Variants in CCDC170 observed in about 807,000 individuals in gnomAD.
The protein encoded by CCDC170 is coiled-coil domain containing 170, also known as coiled-coil domain-containing protein 170.
In CCDC170, 69 loss-of-function variants were observed where a neutral mutation model predicts 72.6. That is an observed-to-expected ratio of 0.95 (90% CI 0.78 to 1.16). The LOEUF is 1.16. Among genes scored for constraint, CCDC170 ranks in the 50% most tolerant of loss-of-function variants. The probability of loss-of-function intolerance (pLI) is 0.00; values close to 1 mark genes in which losing one functional copy is unlikely to be tolerated. For synonymous variants in CCDC170, 300 were observed against 303.9 expected (o/e 0.99, Z 0.13); for missense variants, 852 against 832.5 (o/e 1.02, Z -0.29).
At chr6:151,509,257 T>A (rs1026755346) in intron 1 of CCDC170, among the ~76,000 whole-genome samples, 1 of 151,696 alleles carries the variant, frequency 6.6e-6, no homozygotes, top group Admixed American at 6.6e-5. Context: ...TATCTATCTA[T>A]CTATGAATGA....
chr6:151,502,418 TTGAC>T (rs1254819112), intron 1 of CCDC170, among the ~76,000 whole-genome samples: 3 of 152,234 alleles, frequency 2.0e-5, no homozygotes, highest in Non-Finnish European at 4.4e-5. Context: ...TTCCTTTTCA[TTGAC>T]TGAATTTCCC....
chr6:151,560,275 T>A (rs1465794779), intron 5 of CCDC170, among the ~76,000 whole-genome samples: 1 of 151,974 alleles, frequency 6.6e-6, no homozygotes, highest in Non-Finnish European at 1.5e-5. Context: ...GTTTTGGGAG[T>A]TTTTCTTGGT....
chr6:151,565,736 T>A (rs1776124891), intron 5 of CCDC170, among the ~76,000 whole-genome samples: 1 of 152,220 alleles, frequency 6.6e-6, no homozygotes, highest in African/African-American at 2.4e-5. Flanking sequence ...ACTTCCCGGT[T>A]TTTACCATAT....
In CCDC170 at chr6:151,544,663, T is replaced by C; in HGVS notation, c.535T>C (p.Leu179=). ...EEFLTQLRDC[L]DPDERNDKAS... ...ATTTCTGACTCAACTGCGTGACTGC[T>C]TGGATCCAGATGAGAGGAATGACAA... The change falls in exon 4 of 11, where the codon TTG becomes CTG. Residue 179 remains leucine (L), a synonymous_variant. Coordinates refer to ENST00000239374, the MANE Select transcript of CCDC170 (RefSeq NM_025059.4). 1 of 1,613,686 alleles carries C rather than the reference T, an allele frequency of 6.2e-7. No homozygotes were observed. Among genetic ancestry groups the C allele is most frequent in the Non-Finnish European group, 8.5e-7 (1 of 1,179,628 alleles).
chr6:151,608,462 G>A (rs934942542), intron 9 of CCDC170, among the ~76,000 whole-genome samples: 4 of 152,180 alleles, frequency 2.6e-5, no homozygotes, highest in Non-Finnish European at 5.9e-5. Context: ...GCTTTTGTAG[G>A]GAAAGACTTT....
At chr6:151,566,909 T>A (rs1034139227) in intron 5 of CCDC170, among the ~76,000 whole-genome samples, 3 of 152,192 alleles carry the variant, frequency 2.0e-5, no homozygotes, top group African/African-American at 7.2e-5. Context: ...TTTCAGTGCC[T>A]GTTGTATAGG....
At position 151,572,649 on chromosome 6, in the gene CCDC170, G is replaced by GTTTTTTTTTTT. The variant is rs1213267537; in HGVS notation, c.775-515_775-505dup. Among the ~76,000 whole-genome samples the GTTTTTTTTTTT allele has an allele frequency of 8.6e-3, 327 of 37,804 alleles. 12 individuals carry two copies. The highest frequency in any genetic ancestry group is 0.01 in the Non-Finnish European group (207 of 20,508). 24.8% of individuals were successfully genotyped at this position (37,804 alleles called of 152,430 possible). ...TTTATATTTTATATCCCTTCTCTGT[G>GTTTTTTTTTTT]TTTTTTTTTTTTTTTTTTTTGATGG... On this transcript the variant is annotated intron_variant, in intron 5 of 10. Coordinates refer to ENST00000239374, the MANE Select transcript of CCDC170 (RefSeq NM_025059.4).
intron 5 of CCDC170, among the ~76,000 whole-genome samples, chr6:151,568,361 T>C (rs116415991): frequency 2.2e-3 from 339 of 152,194 alleles, no homozygotes; most frequent in African/African-American, 7.6e-3. Context: ...TCGAAGGAAA[T>C]AGAGCAGGAC....
At chr6:151,586,130 T>G (rs745733872) in intron 7 of CCDC170, 41 bp downstream of exon 7, 1 of 1,586,526 alleles carries the variant, frequency 6.3e-7, no homozygotes, top group South Asian at 1.1e-5. Flanking sequence ...AAGCATCTGT[T>G]GTAGTATAAA....
At chr6:151,600,782 TGGTTTTTAGTATATTGACAA>T (rs1269808103) in intron 9 of CCDC170, among the ~76,000 whole-genome samples, 1 of 152,194 alleles carries the variant, frequency 6.6e-6, no homozygotes, top group African/African-American at 2.4e-5. Flanking sequence ...TATAATTGAA[TGGTTTTTAGTATATTGACAA>T]GGTTGTACAA....
chr6:151,591,453 C>T (rs996049251), intron 7 of CCDC170, among the ~76,000 whole-genome samples: 32 of 121,438 alleles, frequency 2.6e-4, no homozygotes, highest in South Asian at 1.6e-3. Context: ...CTTTATACAG[C>T]GCTGTTTTAG....
At chr6:151,520,247 G>T (rs1782297832) in intron 1 of CCDC170, among the ~76,000 whole-genome samples, 1 of 152,246 alleles carries the variant, frequency 6.6e-6, no homozygotes, top group Non-Finnish European at 1.5e-5. Context: ...ATAAGTGCCA[G>T]GAGGGAGAAA....
intron 5 of CCDC170, among the ~76,000 whole-genome samples, chr6:151,554,904 A>G (rs1782950256): frequency 8.2e-6 from 1 of 122,544 alleles, no homozygotes; most frequent in African/African-American, 3.2e-5. Flanking sequence ...TGTGAGACAG[A>G]GTCTCGCTCT....
At chr6:151,533,316 A>C (rs1328209771) in intron 1 of CCDC170, among the ~76,000 whole-genome samples, 1 of 151,558 alleles carries the variant, frequency 6.6e-6, no homozygotes, top group African/African-American at 2.4e-5. Context: ...GGCCTCCCAA[A>C]GTGCTGGGAT....
At chr6:151,519,238 C>T (rs977035324) in intron 1 of CCDC170, among the ~76,000 whole-genome samples, 2 of 152,106 alleles carry the variant, frequency 1.3e-5, no homozygotes, top group African/African-American at 4.8e-5. Context: ...GAATGCATTC[C>T]TTCCCCAGGG....
intron 1 of CCDC170, among the ~76,000 whole-genome samples, chr6:151,501,913 C>T (rs769080979): frequency 1.3e-5 from 2 of 152,116 alleles, no homozygotes; most frequent in Non-Finnish European, 2.9e-5. Flanking sequence ...TGCTCTTTTA[C>T]CCAAGGTTTC....
rs537064066 is a variant in CCDC170 at position 151,603,774 on chromosome 6, G to A, written c.1710+7197G>A. On this transcript the variant is annotated intron_variant, in intron 9 of 10. Coordinates refer to ENST00000239374, the MANE Select transcript of CCDC170 (RefSeq NM_025059.4). ...ATCTTTTAGGCCAAGCTAGCTGCTG[G>A]GGCTCCAGCTTCACTCTAGTCATCA... is the stretch of plus-strand genomic sequence containing the variant. 1.1e-4 allele frequency among the ~76,000 whole-genome samples: 17 copies of A among 152,232 alleles called. No individual in the cohort carries two copies. In the East Asian group the frequency reaches 3.1e-3, roughly 28 times the overall value.
chr6:151,593,536 GTTGT>G (rs1208713639), intron 8 of CCDC170, among the ~76,000 whole-genome samples: 3 of 152,088 alleles, frequency 2.0e-5, no homozygotes, highest in Non-Finnish European at 2.9e-5. Flanking sequence ...TTTTGTTGTT[GTTGT>G]TTGTTTGTTT....
At chr6:151,526,761 T>C (rs1290431630) in intron 1 of CCDC170, among the ~76,000 whole-genome samples, 1 of 152,140 alleles carries the variant, frequency 6.6e-6, no homozygotes, top group African/African-American at 2.4e-5. Flanking sequence ...ATAACAGGAC[T>C]GTTTTGTGAA....
Sources: allele counts gnomAD v4.1 joint callset (sites outside exome capture counted in the v4.1 genomes callset), GRCh38; gene constraint gnomAD v4.1.1; transcripts MANE v1.5; gene names NCBI Gene and HGNC (gene_info 2026-07-23, HGNC 2026-07-21).